EVC2: variants seen among roughly 807,000 people sequenced by gnomAD.
EVC2 encodes limbin.
A neutral mutation model predicts 149.3 loss-of-function variants in EVC2; 148 were observed. That is an observed-to-expected ratio of 0.99 (90% CI 0.87 to 1.14). EVC2 has a LOEUF of 1.14. Ranked by LOEUF, EVC2 falls within the 50% of genes most tolerant of loss-of-function variation. The pLI is 0.00. For synonymous variants in EVC2, 776 were observed against 649.9 expected, an observed-to-expected ratio of 1.19 and a Z score of -2.95; for missense variants, 1,854 against 1,627.3, an observed-to-expected ratio of 1.14 and a Z score of -2.40.
In EVC2 at chr4:5,582,988, G is replaced by A. The variant is rs532406628; in HGVS notation, c.3057+1635C>T. Among the ~76,000 whole-genome samples, 13 of 152,266 alleles carry A rather than the reference G, an allele frequency of 8.5e-5. No homozygotes were observed. In the South Asian group the frequency reaches 2.5e-3, roughly 29 times the overall value. On this transcript the variant is annotated intron_variant, in intron 17 of 21. Transcript: ENST00000344408. Reference sequence around the variant, plus strand: ...GCTGGGCAGATGCATCAGGCTTCCTGTATAGCCTGTGGAACCATGAGCCAA... The same window carrying A: ...GCTGGGCAGATGCATCAGGCTTCCTATATAGCCTGTGGAACCATGAGCCAA...
chr4:5,536,677 G>A, the EVC2 span, among the ~76,000 whole-genome samples: 2 of 151,952 alleles, frequency 1.3e-5, no homozygotes, highest in Non-Finnish European at 2.9e-5. Flanking sequence ...CCAGCTACTC[G>A]GGATGCTGAG....
At position 5,689,404 on chromosome 4, in the gene EVC2, G is replaced by A. The variant is rs555988061; in HGVS notation, c.520-61C>T. ...CTGACAAGTCCAGCTTCCTAAAATG[G>A]GGCATGAGCCCAGCCTGTGCACATT... On this transcript the variant is annotated intron_variant, in intron 4 of 21. Coordinates refer to ENST00000344408, the MANE Select transcript of EVC2 (RefSeq NM_147127.5). 583 of 1,569,884 alleles carry A rather than the reference G, an allele frequency of 3.7e-4. 6 individuals carry two copies. In the South Asian group the frequency reaches 5.9e-3, roughly 16 times the overall value.
intron 22 of EVC2, chr4:5,542,963 A>G: frequency 2.6e-6 from 1 of 387,344 alleles, no homozygotes; most frequent in Non-Finnish European, 4.9e-6. Context: ...CTGCAATGTA[A>G]ACAAGTCCTC....
At chr4:5,557,362 T>C (rs186728845) in intron 21 of EVC2, among the ~76,000 whole-genome samples, 2 of 152,222 alleles carry the variant, frequency 1.3e-5, no homozygotes, top group East Asian at 3.9e-4. Context: ...GAATTCAATA[T>C]ACACATACGA....
rs1720047449 is a variant in EVC2 at position 5,677,196 on chromosome 4, T to A, written c.870+4064A>T. Among the ~76,000 whole-genome samples the A allele has an allele frequency of 6.6e-6, 1 of 152,176 alleles. No individual in the cohort carries two copies. The highest frequency in any genetic ancestry group is 1.5e-5 in the Non-Finnish European group (1 of 68,032). ...TCCATTTACCTCAACAACCATCCTATGAAGTGAACGTTGTTATTACTCTCA... is the reference window on the plus strand; with the variant it reads ...TCCATTTACCTCAACAACCATCCTAAGAAGTGAACGTTGTTATTACTCTCA... On this transcript the variant is annotated intron_variant, in intron 7 of 21. Transcript: ENST00000344408. The surrounding 1 kb of genome is among the most constrained non-coding windows in gnomAD (Gnocchi z 4.3).
At chr4:5,707,634 G>A (rs1336567760) in intron 1 of EVC2, among the ~76,000 whole-genome samples, 1 of 152,098 alleles carries the variant, frequency 6.6e-6, no homozygotes, top group Non-Finnish European at 1.5e-5. Context: ...GCCAGGGAGT[G>A]GCAGTGGGGA....
chr4:5,702,074 C>T (rs146325222), intron 1 of EVC2, among the ~76,000 whole-genome samples: 56 of 152,284 alleles, frequency 3.7e-4, no homozygotes, highest in African/African-American at 1.2e-3. Flanking sequence ...GAGTGGGTCA[C>T]TTTCTTGCTG....
upstream of EVC2, chr4:5,709,448 C>G (rs1438963747): frequency 6.6e-6 from 1 of 152,254 alleles, no homozygotes; most frequent in East Asian, 1.9e-4. Flanking sequence ...GAGCCTGGCC[C>G]CTGGCAGCCT....
At chr4:5,597,519 C>G (rs561174122) in intron 16 of EVC2, among the ~76,000 whole-genome samples, 30 of 150,040 alleles carry the variant, frequency 2.0e-4, no homozygotes, top group African/African-American at 4.9e-4. Flanking sequence ...ATTCAACAAC[C>G]CTTCATGCTA....
At chr4:5,643,809 T>C (rs1409340606) in intron 9 of EVC2, among the ~76,000 whole-genome samples, 1 of 152,192 alleles carries the variant, frequency 6.6e-6, no homozygotes, top group Middle Eastern at 3.4e-3. Flanking sequence ...TAACCCCAGC[T>C]ACTCGGGTGG....
At chr4:5,681,901 T>C (rs1720370295) in intron 6 of EVC2, among the ~76,000 whole-genome samples, 2 of 152,094 alleles carry the variant, frequency 1.3e-5, no homozygotes, top group Non-Finnish European at 1.5e-5. Flanking sequence ...AAAGGCAGAA[T>C]AGCTTGCCAC....
In EVC2 at chr4:5,574,577, G is replaced by T; in HGVS notation, c.3360+108C>A. ...ACACATCTGCTCTGCAGGTTCCAAG[G>T]CTGGCTTTTCATCACCATCCTGGAG... On this transcript the variant is annotated intron_variant, in intron 19 of 21. Coordinates refer to ENST00000344408, the MANE Select transcript of EVC2 (RefSeq NM_147127.5). The T allele has an allele frequency of 3.6e-6, 4 of 1,121,656 alleles. No homozygotes were observed. In the East Asian group the frequency reaches 9.4e-5, roughly 26 times the overall value. 69.5% of individuals were successfully genotyped at this position (1,121,656 alleles called of 1,614,324 possible).
chr4:5,531,520 G>A, the EVC2 span, among the ~76,000 whole-genome samples: 4 of 152,120 alleles, frequency 2.6e-5, no homozygotes, highest in African/African-American at 9.7e-5. Flanking sequence ...ATTGACAGCC[G>A]CTCCCCATTG....
the EVC2 span, among the ~76,000 whole-genome samples, chr4:5,529,374 A>G: frequency 6.6e-6 from 1 of 152,316 alleles, no homozygotes; most frequent in Middle Eastern, 3.4e-3. This position sits in a 1 kb window ranked among gnomAD's most constrained non-coding sequence, Gnocchi z 4.5. Flanking sequence ...TTTACCTCCA[A>G]GACAACAACC....
chr4:5,532,275 T>C, the EVC2 span, among the ~76,000 whole-genome samples: 2 of 152,170 alleles, frequency 1.3e-5, no homozygotes, highest in Non-Finnish European at 2.9e-5. Flanking sequence ...GTCAGTTTTT[T>C]CTGCTGTTCA....
Position 5,677,775 on chromosome 4 carries a change from C to G in EVC2, c.870+3485G>C, listed in dbSNP as rs1404048566. Among the ~76,000 whole-genome samples the G allele has an allele frequency of 6.6e-6, 1 of 152,244 alleles. No homozygotes were observed. Among genetic ancestry groups the G allele is most frequent in the African/African-American group, 2.4e-5 (1 of 41,464 alleles). ...TGAGTGCCACCTACAATGTACCGCACAGTGGGGGACACAGGCAAATCCGAC... is the reference window on the plus strand; with the variant it reads ...TGAGTGCCACCTACAATGTACCGCAGAGTGGGGGACACAGGCAAATCCGAC... On this transcript the variant is annotated intron_variant, in intron 7 of 21. Transcript: ENST00000344408. The surrounding 1 kb of genome is among the most constrained non-coding windows in gnomAD (Gnocchi z 4.3).
the EVC2 span, among the ~76,000 whole-genome samples, chr4:5,533,934 G>A: frequency 6.6e-6 from 1 of 152,198 alleles, no homozygotes; most frequent in African/African-American, 2.4e-5. Context: ...AGAGCAAAGA[G>A]AAGACAAACA....
chr4:5,626,340 T>G (rs28673269), intron 12 of EVC2, among the ~76,000 whole-genome samples: 11 of 134,704 alleles, frequency 8.2e-5, no homozygotes, highest in South Asian at 2.2e-4. Flanking sequence ...TGTTTTTTTT[T>G]TTTTTTTTTT....
At chr4:5,664,486 G>C (rs1024235137) in intron 8 of EVC2, among the ~76,000 whole-genome samples, 1 of 152,184 alleles carries the variant, frequency 6.6e-6, no homozygotes, top group Non-Finnish European at 1.5e-5. Context: ...CAAAGCAGCA[G>C]GGTGCGTTTA....
Sources: gnomAD v4.1 joint callset for allele counts (sites outside exome capture counted in the v4.1 genomes callset) on GRCh38, gnomAD v4.1.1 for gene constraint, Gnocchi (gnomAD v3.1) non-coding constraint, MANE v1.5 for transcripts, NCBI Gene and HGNC (gene_info 2026-07-23, HGNC 2026-07-21) for gene names.